The following ABCA9 variants were observed in gnomAD, a reference collection of about 807,000 sequenced individuals.
ABCA9 encodes the protein ATP binding cassette subfamily A member 9.
A neutral mutation model predicts 205.3 loss-of-function variants in ABCA9; 183 were observed. That is an observed-to-expected ratio of 0.89 (90% CI 0.79 to 1.01). The LOEUF is 1.01. Ranked by LOEUF, ABCA9 falls within the 50% of genes least tolerant of loss-of-function variation. ABCA9 has a pLI of 0.00. For missense variants in ABCA9, 1,805 were observed against 1,912.4 expected, an observed-to-expected ratio of 0.94 and a Z score of 1.05; for synonymous variants, 651 against 683.3, an observed-to-expected ratio of 0.95 and a Z score of 0.74.
chr17:69,000,754 C>A (rs1291781041), intron 25 of ABCA9, among the ~76,000 whole-genome samples: 1 of 151,414 alleles, frequency 6.6e-6, no homozygotes, highest in African/African-American at 2.4e-5. Context: ...TCTTCCTACC[C>A]ATGAGCATGG....
chr17:68,990,071 T>C, intron 29 of ABCA9, 141 bp from the exon 30 acceptor site: 1 of 679,898 alleles, frequency 1.5e-6, no homozygotes, highest in Non-Finnish European at 2.6e-6. Flanking sequence ...CATTTTCAAG[T>C]GAACTCTTAC....
intron 23 of ABCA9, among the ~76,000 whole-genome samples, chr17:69,009,805 G>A (rs913395073): frequency 2.6e-5 from 4 of 152,102 alleles, no homozygotes; most frequent in South Asian, 2.1e-4. Context: ...AGTATATTCC[G>A]TGACTTCACC....
intron 3 of ABCA9, among the ~76,000 whole-genome samples, chr17:69,048,021 G>T (rs567465949): frequency 6.6e-6 from 1 of 152,122 alleles, no homozygotes. Flanking sequence ...GGGGAAGCAG[G>T]CACCTTCACA....
At chr17:68,989,743 A>T in intron 30 of ABCA9, 70 bp downstream of exon 30, 1 of 921,440 alleles carries the variant, frequency 1.1e-6, no homozygotes, top group South Asian at 1.6e-5. Flanking sequence ...AGATTCAGAT[A>T]CTCTTATTCC....
At chr17:68,985,179 T>C (rs773952285) in intron 32 of ABCA9, 51 bp from the exon 33 acceptor site, 18 of 1,611,514 alleles carry the variant, frequency 1.1e-5, no homozygotes, top group Non-Finnish European at 1.4e-5. Flanking sequence ...CGAATGTACA[T>C]GGGAGAATGA....
chr17:69,001,039 T>G (rs950908317), intron 25 of ABCA9, among the ~76,000 whole-genome samples: 2 of 152,156 alleles, frequency 1.3e-5, no homozygotes, highest in Admixed American at 1.3e-4. Flanking sequence ...GTGGGTTTTC[T>G]AGATATACAA....
rs1210385665 is a variant in ABCA9, at chr17:68,986,146, C to T, written c.4208+18G>A. 2.5e-6 allele frequency: 4 copies of T among 1,579,618 alleles called. No individual in the cohort carries two copies. The African/African-American group carries it at 4.1e-5, about 16-fold the overall frequency. On this transcript the variant is annotated intron_variant, in intron 32 of 38. Coordinates refer to ENST00000340001, the MANE Select transcript of ABCA9 (RefSeq NM_080283.4). Reference sequence around the variant, plus strand: ...ACATCCCCTCCAGCAAAGGGGAGTGCCCCCCAGTCCCAGGTACCGTGTGAT... The same window carrying T: ...ACATCCCCTCCAGCAAAGGGGAGTGTCCCCCAGTCCCAGGTACCGTGTGAT...
chr17:68,978,053 T>A (rs1598321589), intron 37 of ABCA9, among the ~76,000 whole-genome samples: 1 of 152,308 alleles, frequency 6.6e-6, no homozygotes, highest in East Asian at 1.9e-4. Flanking sequence ...ATCTGTCTAA[T>A]GTTGACAGTG....
Position 68,995,876 on chromosome 17 carries a change from C to A in ABCA9, c.3555+19G>T. ...GACCACACATTTCATGACCCTCAGA[C>A]AGAAGTGGAACTACTTACCTCAGAA... On this transcript the variant is annotated intron_variant, in intron 26 of 38. Coordinates refer to ENST00000340001, the MANE Select transcript of ABCA9 (RefSeq NM_080283.4). The A allele has an allele frequency of 6.2e-7, 1 of 1,612,748 alleles. No homozygotes were observed. The highest frequency in any genetic ancestry group is 8.5e-7 in the Non-Finnish European group (1 of 1,179,636).
chr17:69,016,988 G>T (rs1457807034), intron 21 of ABCA9, among the ~76,000 whole-genome samples: 5 of 152,034 alleles, frequency 3.3e-5, no homozygotes, highest in Non-Finnish European at 5.9e-5. Context: ...CAAGTGTATT[G>T]TATTTAACCT....
intron 22 of ABCA9, among the ~76,000 whole-genome samples, chr17:69,015,564 T>C (rs1239666724): frequency 6.6e-6 from 1 of 152,166 alleles, no homozygotes; most frequent in African/African-American, 2.4e-5. Context: ...GAAACTTCTT[T>C]TGATGCATCC....
Position 69,017,643 on chromosome 17 carries a change from G to A in ABCA9, c.2901+13C>T, listed in dbSNP as rs770157303. On this transcript the variant is annotated intron_variant, in intron 21 of 38. Transcript: ENST00000340001. The stretch of plus-strand genomic sequence containing the variant: ...CACCTTTGGTGAAATGCAGCAACTG[G>A]AGTCCAGCATACCTTTTCATCACCT... The A allele has an allele frequency of 1.4e-5, 22 of 1,611,926 alleles. No homozygotes were observed. The African/African-American group carries it at 2.7e-4, about 20-fold the overall frequency.
chr17:69,037,531 C>A (rs2071385871), intron 6 of ABCA9, among the ~76,000 whole-genome samples: 1 of 152,142 alleles, frequency 6.6e-6, no homozygotes, highest in South Asian at 2.1e-4. Flanking sequence ...AACAAAGACA[C>A]AACATACCAG....
Position 69,043,599 on chromosome 17 carries a change from G to T in ABCA9, c.690C>A (p.Cys230Ter). ...GVATDFFIFF[C>*]IISFSTFIYY... Reference sequence around the variant, plus strand: ...ATATAAATGTAGAAAAAGAAATAATGCAAAAGAAAATGAAAAAATCAGTTG... The same window carrying T: ...ATATAAATGTAGAAAAAGAAATAATTCAAAAGAAAATGAAAAAATCAGTTG... The change falls in exon 6 of 39, where the codon TGC (cysteine) becomes TGA (stop). Residue 230 changes from cysteine to a stop codon, truncating the protein, a stop_gained. Transcript: ENST00000340001. LOFTEE classifies it high-confidence loss of function. 5 of 1,613,200 alleles carry T rather than the reference G, an allele frequency of 3.1e-6. No individual in the cohort carries two copies. Among genetic ancestry groups the T allele is most frequent in the Non-Finnish European group, 4.2e-6 (5 of 1,179,448 alleles).
At chr17:68,995,747 C>G in intron 26 of ABCA9, 148 bp downstream of exon 26, 1 of 1,011,546 alleles carries the variant, frequency 9.9e-7, no homozygotes, top group South Asian at 1.7e-5. Flanking sequence ...TGCCCCTTAT[C>G]CATGCGTGGC....
At chr17:68,982,466 A>G (rs545255114) in intron 37 of ABCA9, 96 bp downstream of exon 37, 16 of 941,146 alleles carry the variant, frequency 1.7e-5, no homozygotes, top group Non-Finnish European at 2.7e-5. Flanking sequence ...ATATAACAGC[A>G]TAATTCTATG....
At chr17:69,021,300 G>A (rs1007962098) in intron 18 of ABCA9, among the ~76,000 whole-genome samples, 2 of 151,960 alleles carry the variant, frequency 1.3e-5, no homozygotes, top group Non-Finnish European at 1.5e-5. Flanking sequence ...AATTATCTTA[G>A]CAGCAATAAG....
intron 6 of ABCA9, among the ~76,000 whole-genome samples, chr17:69,042,021 C>T (rs931114880): frequency 6.6e-5 from 10 of 152,124 alleles, no homozygotes; most frequent in Admixed American, 6.6e-5. Flanking sequence ...GAGATAATAT[C>T]ACAGTGTGTA....
chr17:68,986,066 G>A (rs1030337854), intron 32 of ABCA9, 98 bp downstream of exon 32: 2 of 1,245,200 alleles, frequency 1.6e-6, no homozygotes, highest in African/African-American at 1.5e-5. Flanking sequence ...CCACAAGCAT[G>A]GGGTCATCAA....
Sources: gnomAD v4.1 joint callset for allele counts (sites outside exome capture counted in the v4.1 genomes callset) on GRCh38, gnomAD v4.1.1 for gene constraint, MANE v1.5 for transcripts, NCBI Gene and HGNC (gene_info 2026-07-23, HGNC 2026-07-21) for gene names.